NEK11: variants seen among roughly 807,000 people sequenced by gnomAD.
NEK11 encodes serine/threonine-protein kinase Nek11.
Under a neutral mutation model 80.7 loss-of-function variants are expected in NEK11, and 72 were observed. The observed-to-expected ratio is 0.89, with a 90% confidence interval of 0.74 to 1.08. NEK11 has a LOEUF of 1.08. Among genes scored for constraint, NEK11 ranks in the 50% least tolerant of loss-of-function variants. The pLI, the probability that NEK11 is intolerant of heterozygous loss-of-function variation, is 0.00. For missense variants in NEK11, 764 were observed against 763.6 expected (o/e 1.00, Z -0.01); for synonymous variants, 251 against 260.7 (o/e 0.96, Z 0.36).
intron 12 of NEK11, among the ~76,000 whole-genome samples, chr3:131,166,581 C>T (rs1438072932): frequency 2.0e-5 from 3 of 152,198 alleles, no homozygotes; most frequent in Admixed American, 1.3e-4. Context: ...GTTTGATGGA[C>T]CAGTTAGCAG....
chr3:131,305,641 G>C (rs1052262834), intron 17 of NEK11, among the ~76,000 whole-genome samples: 9 of 152,106 alleles, frequency 5.9e-5, no homozygotes, highest in African/African-American at 2.2e-4. Context: ...ATCTCACCCC[G>C]TCCACCTCTC....
intron 14 of NEK11, among the ~76,000 whole-genome samples, chr3:131,213,165 C>T (rs2094692799): frequency 6.7e-6 from 1 of 150,094 alleles, no homozygotes; most frequent in South Asian, 2.1e-4. Flanking sequence ...TGAACCAACT[C>T]CTTAAACCCC....
At chr3:131,038,602 A>G (rs1343064288) in intron 3 of NEK11, among the ~76,000 whole-genome samples, 46 of 152,220 alleles carry the variant, frequency 3.0e-4, no homozygotes, top group Admixed American at 3.0e-3. Flanking sequence ...TTTAAGACTG[A>G]ATTGCCAAGA....
intron 3 of NEK11, among the ~76,000 whole-genome samples, chr3:131,068,488 T>G (rs1299921561): frequency 6.6e-6 from 1 of 152,238 alleles, no homozygotes; most frequent in Non-Finnish European, 1.5e-5. Context: ...TATTTTGACT[T>G]ATTCTCAGAT....
chr3:131,169,783 T>G (rs966509478), intron 13 of NEK11, among the ~76,000 whole-genome samples: 1 of 152,188 alleles, frequency 6.6e-6, no homozygotes, highest in Non-Finnish European at 1.5e-5. Flanking sequence ...AAAGAGAAAC[T>G]CAGCAAATCA....
intron 15 of NEK11, among the ~76,000 whole-genome samples, chr3:131,235,426 C>T (rs1401573655): frequency 2.0e-5 from 3 of 152,182 alleles, no homozygotes; most frequent in Non-Finnish European, 2.9e-5. Context: ...ATACAAGTCC[C>T]ATCCAACTGT....
At chr3:131,336,392 T>C (rs935950191) in intron 17 of NEK11, among the ~76,000 whole-genome samples, 1 of 152,170 alleles carries the variant, frequency 6.6e-6, no homozygotes, top group Non-Finnish European at 1.5e-5. Context: ...TCATAAATGG[T>C]GCTGGGAAAA....
intron 15 of NEK11, among the ~76,000 whole-genome samples, chr3:131,233,009 G>GAAGA (rs1198405884): frequency 6.6e-6 from 1 of 151,166 alleles, no homozygotes; most frequent in Non-Finnish European, 1.5e-5. Context: ...AGGAAGGAAG[G>GAAGA]AAGGAAGGAA....
chr3:131,239,755 C>A (rs1359962498), intron 15 of NEK11, among the ~76,000 whole-genome samples: 2 of 152,184 alleles, frequency 1.3e-5, no homozygotes, highest in African/African-American at 4.8e-5. Flanking sequence ...CTCTAAGGGA[C>A]TGCTGGTGCT....
chr3:131,255,688 A>G (rs997386425), intron 16 of NEK11, among the ~76,000 whole-genome samples: 1 of 152,084 alleles, frequency 6.6e-6, no homozygotes, highest in Non-Finnish European at 1.5e-5. Flanking sequence ...CTCTACTTCT[A>G]TCTTTCTATT....
Position 131,291,096 on chromosome 3 carries a change from C to G in NEK11, c.1718+17522C>G, listed in dbSNP as rs371783933. On this transcript the variant is annotated intron_variant, in intron 17 of 17. Coordinates refer to ENST00000383366, the MANE Select transcript of NEK11 (RefSeq NM_024800.5). ...AAAAATACTCTGTACTCTGCTTAGTCATCCCTCCCAACCCCTGGCAACCAC... is the reference window on the plus strand; with the variant it reads ...AAAAATACTCTGTACTCTGCTTAGTGATCCCTCCCAACCCCTGGCAACCAC... 3.9e-5 allele frequency among the ~76,000 whole-genome samples: 6 copies of G among 152,162 alleles called. No individual in the cohort carries two copies. In the East Asian group the frequency reaches 9.6e-4, roughly 24 times the overall value.
At chr3:131,033,390 T>C (rs1184470754) in intron 3 of NEK11, among the ~76,000 whole-genome samples, 1 of 152,200 alleles carries the variant, frequency 6.6e-6, no homozygotes, top group Non-Finnish European at 1.5e-5. Context: ...TGAATGCTAT[T>C]CCTTCAACAC....
chr3:131,287,799 C>T (rs1221512842), intron 17 of NEK11, among the ~76,000 whole-genome samples: 1 of 152,188 alleles, frequency 6.6e-6, no homozygotes, highest in Non-Finnish European at 1.5e-5. Context: ...CGTGGCATCT[C>T]AGCCCTTGGA....
chr3:131,334,939 T>G (rs2097156465), intron 17 of NEK11, among the ~76,000 whole-genome samples: 1 of 152,240 alleles, frequency 6.6e-6, no homozygotes. Flanking sequence ...AATCTCTGAA[T>G]AGACCAATAA....
At chr3:131,136,445 AT>A (rs989661074) in intron 7 of NEK11, among the ~76,000 whole-genome samples, 17 of 151,662 alleles carry the variant, frequency 1.1e-4, no homozygotes, top group Non-Finnish European at 2.2e-4. Flanking sequence ...TTATTGTGGA[AT>A]TTTTTTTTAG....
chr3:131,048,433 G>T (rs765870840), intron 3 of NEK11, among the ~76,000 whole-genome samples: 1 of 152,204 alleles, frequency 6.6e-6, no homozygotes, highest in African/African-American at 2.4e-5. Context: ...AGTCAGAAAC[G>T]GCTTCGCTGG....
chr3:131,332,137 G>A (rs1204537022), intron 17 of NEK11, among the ~76,000 whole-genome samples: 1 of 152,240 alleles, frequency 6.6e-6, no homozygotes, highest in Non-Finnish European at 1.5e-5. Context: ...TGCAGCTGGA[G>A]ATCTGAGAAC....
At chr3:131,066,643 G>T (rs574704068) in intron 3 of NEK11, among the ~76,000 whole-genome samples, 419 of 152,036 alleles carry the variant, frequency 2.8e-3, no homozygotes, top group Non-Finnish European at 5.0e-3. Context: ...AGACCAGCCT[G>T]GCCAACATGG....
chr3:131,134,557 C>G (rs571124139), intron 7 of NEK11, among the ~76,000 whole-genome samples: 1 of 152,016 alleles, frequency 6.6e-6, no homozygotes, highest in East Asian at 1.9e-4. Context: ...CCCACCACCA[C>G]GCCTGGCTAA....
Sources: gnomAD v4.1 joint callset for allele counts (sites outside exome capture counted in the v4.1 genomes callset) on GRCh38, gnomAD v4.1.1 for gene constraint, MANE v1.5 for transcripts, NCBI Gene and HGNC (gene_info 2026-07-23, HGNC 2026-07-21) for gene names.